JAK2: variants seen among roughly 807,000 people sequenced by gnomAD.
JAK2 encodes Janus kinase 2.
A neutral mutation model predicts 139.3 loss-of-function variants in JAK2; 86 were observed. The ratio of observed to expected loss-of-function variants is 0.62; its 90% CI spans 0.52 to 0.74. JAK2 has a LOEUF of 0.74. JAK2 is among the 30% of genes least tolerant of loss of function. JAK2 has a pLI of 0.00. For missense variants in JAK2, 1,421 were observed against 1,360.3 expected, an observed-to-expected ratio of 1.04 and a Z score of -0.70; for synonymous variants, 490 against 437.7, an observed-to-expected ratio of 1.12 and a Z score of -1.49.
intron 8 of JAK2, among the ~76,000 whole-genome samples, chr9:5,056,319 T>C (rs1003170495): frequency 6.6e-6 from 1 of 152,110 alleles, no homozygotes. Flanking sequence ...TTAATGTAAA[T>C]AGGAGAAATG....
chr9:5,005,855 C>A (rs1821264386), intron 2 of JAK2, among the ~76,000 whole-genome samples: 1 of 152,142 alleles, frequency 6.6e-6, no homozygotes, highest in South Asian at 2.1e-4. Context: ...TGATCTATAT[C>A]TCTGTTTTGC....
chr9:5,085,226 C>G, intron 19 of JAK2: 1 of 668,554 alleles, frequency 1.5e-6, no homozygotes, highest in South Asian at 1.4e-5. Context: ...TGCTGACAGG[C>G]AAATAGGACA....
At chr9:5,005,313 T>C (rs2129891504) in intron 2 of JAK2, among the ~76,000 whole-genome samples, 1 of 151,962 alleles carries the variant, frequency 6.6e-6, no homozygotes, top group Middle Eastern at 3.4e-3. Flanking sequence ...GGTTATTTGT[T>C]TTCTTGCTTT....
intron 22 of JAK2, chr9:5,094,964 A>C (rs1017989733): frequency 6.6e-6 from 1 of 152,174 alleles, no homozygotes; most frequent in Non-Finnish European, 1.5e-5. Flanking sequence ...TTACATTAGC[A>C]TTCTGCATAT....
At chr9:5,095,978 G>C (rs1411974058) in intron 22 of JAK2, among the ~76,000 whole-genome samples, 1 of 152,028 alleles carries the variant, frequency 6.6e-6, no homozygotes, top group African/African-American at 2.4e-5. Flanking sequence ...CTATCCCTAG[G>C]AGCTTTACCT....
intron 22 of JAK2, chr9:5,112,985 G>T: frequency 5.3e-6 from 1 of 188,064 alleles, no homozygotes; most frequent in South Asian, 1.6e-4. Context: ...ACACCGACCT[G>T]ATGAGGCTCA....
chr9:5,080,892 C>CTTT (rs33925764), intron 18 of JAK2, among the ~76,000 whole-genome samples: 12 of 95,616 alleles, frequency 1.3e-4, no homozygotes, highest in South Asian at 3.4e-4. Context: ...AAGACCTTTT[C>CTTT]TTTTTTTTTT....
intron 22 of JAK2, chr9:5,094,802 G>A (rs1268906789): frequency 6.6e-6 from 1 of 152,080 alleles, no homozygotes; most frequent in Non-Finnish European, 1.5e-5. Context: ...TTTTCTAGGA[G>A]TACTACACAC....
chr9:5,103,372 T>A (rs1451009284), intron 22 of JAK2, among the ~76,000 whole-genome samples: 2 of 148,806 alleles, frequency 1.3e-5, no homozygotes, highest in African/African-American at 5.1e-5. Flanking sequence ...AAGAGCTAAC[T>A]ATACTAAATA....
Position 5,090,673 on chromosome 9 carries a change from G to A in JAK2, c.2887-66G>A, listed in dbSNP as rs547311797. On this transcript the variant is annotated intron_variant, in intron 21 of 24. Coordinates refer to ENST00000381652, the MANE Select transcript of JAK2 (RefSeq NM_004972.4). ...TCATAGATAATAAAGGGAATATATA[G>A]GGTTAAGACCATTTAAATTGTTTAT... The A allele has an allele frequency of 6.5e-6, 10 of 1,531,510 alleles. No homozygotes were observed. The East Asian group carries it at 1.8e-4, about 28-fold the overall frequency. 94.9% of individuals were successfully genotyped at this position (1,531,510 alleles called of 1,614,324 possible). A position where few individuals can be genotyped will look rare whatever the true frequency, so the allele number is the denominator to read the frequency against.
chr9:5,106,925 A>C (rs1252172813), intron 22 of JAK2, among the ~76,000 whole-genome samples: 1 of 152,158 alleles, frequency 6.6e-6, no homozygotes, highest in African/African-American at 2.4e-5. Flanking sequence ...AGAAATACCT[A>C]ATGTAAATGA....
At position 5,054,503 on chromosome 9, in the gene JAK2, A is replaced by T. The variant is rs1397563371; in HGVS notation, c.615-60A>T. On this transcript the variant is annotated intron_variant, in intron 6 of 24. Transcript: ENST00000381652. The surrounding 1 kb of genome is among the most constrained non-coding windows in gnomAD (Gnocchi z 4.9). ...GGTGGTAACTTCTTTTTCAATTTTT[A>T]GATTTATCTTCCAATTTTTGTTTTG... 1 of 1,377,672 alleles carries T rather than the reference A, an allele frequency of 7.3e-7. No homozygotes were observed. Among genetic ancestry groups the T allele is most frequent in the Non-Finnish European group, 9.9e-7 (1 of 1,008,432 alleles). The allele number at this position is 1,377,672 out of a possible 1,614,324, so 85.3% of individuals were successfully genotyped here.
chr9:5,021,226 C>T (rs1224690933), intron 2 of JAK2, among the ~76,000 whole-genome samples: 3 of 152,100 alleles, frequency 2.0e-5, no homozygotes, highest in Non-Finnish European at 4.4e-5. Context: ...GTTGAATTTC[C>T]GTGTTCTCTC....
intron 4 of JAK2, among the ~76,000 whole-genome samples, chr9:5,043,120 G>A (rs974778330): frequency 1.3e-5 from 2 of 152,158 alleles, no homozygotes; most frequent in Non-Finnish European, 2.9e-5. Flanking sequence ...TAAAGCCCCC[G>A]ACCCAGCCCC....
At chr9:5,088,064 T>C (rs1335490301) in intron 19 of JAK2, among the ~76,000 whole-genome samples, 1 of 152,224 alleles carries the variant, frequency 6.6e-6, no homozygotes, top group Non-Finnish European at 1.5e-5. Flanking sequence ...AAAATGTGTT[T>C]TGGAATAATT....
In JAK2 at chr9:5,123,130, G is replaced by T; in HGVS notation, c.3177+9G>T. Reference sequence around the variant, plus strand: ...GTAAAAGTCCACCAGCGGTCAGTGTGCTTTTTATTTACTTTCAGTTTTTTG... The same window carrying T: ...GTAAAAGTCCACCAGCGGTCAGTGTTCTTTTTATTTACTTTCAGTTTTTTG... On this transcript the variant is annotated intron_variant, in intron 23 of 24. Coordinates refer to ENST00000381652, the MANE Select transcript of JAK2 (RefSeq NM_004972.4). 1.3e-6 allele frequency: 2 copies of T among 1,527,866 alleles called. No individual in the cohort carries two copies. The highest frequency in any genetic ancestry group is 8.9e-7 in the Non-Finnish European group (1 of 1,120,006). 94.6% of individuals were successfully genotyped at this position (1,527,866 alleles called of 1,614,324 possible).
intron 3 of JAK2, among the ~76,000 whole-genome samples, chr9:5,024,544 G>A (rs781779762): frequency 1.2e-4 from 18 of 152,020 alleles, no homozygotes; most frequent in Non-Finnish European, 2.5e-4. Context: ...TCTAAGTTCT[G>A]TTCCTTGGGC....
chr9:4,990,240 A>C (rs747170657), intron 2 of JAK2, among the ~76,000 whole-genome samples: 1 of 152,196 alleles, frequency 6.6e-6, no homozygotes, highest in Non-Finnish European at 1.5e-5. Context: ...ACATCTTAGA[A>C]CATCTAAGTC....
chr9:5,105,526 G>A (rs1821881740), intron 22 of JAK2, among the ~76,000 whole-genome samples: 1 of 152,084 alleles, frequency 6.6e-6, no homozygotes, highest in African/African-American at 2.4e-5. Flanking sequence ...TCCCCATCAA[G>A]CTACCAATGA....
Sources: allele counts gnomAD v4.1 joint callset (sites outside exome capture counted in the v4.1 genomes callset), GRCh38; gene constraint gnomAD v4.1.1; non-coding constraint Gnocchi (gnomAD v3.1); transcripts MANE v1.5; gene names NCBI Gene and HGNC (gene_info 2026-07-23, HGNC 2026-07-21).